KLF17: variants seen among roughly 807,000 people sequenced by gnomAD.
KLF17 encodes the protein Krueppel-like factor 17.
In KLF17, 31 loss-of-function variants were observed where a neutral mutation model predicts 34.2. The observed-to-expected ratio is 0.91, with a 90% confidence interval of 0.68 to 1.22. The LOEUF is 1.22. Among genes scored for constraint, KLF17 ranks in the 50% most tolerant of loss-of-function variants. KLF17 has a pLI of 0.00. For synonymous variants in KLF17, 179 were observed against 186.7 expected (o/e 0.96, Z 0.34); for missense variants, 478 against 505.2 (o/e 0.95, Z 0.52).
rs759117084 is a variant in KLF17 at position 44,129,690 on chromosome 1, T to C, written c.419T>C (p.Ile140Thr). The change falls in exon 2 of 4, where the codon ATT becomes ACT. Residue 140 changes from isoleucine (I) to threonine (T), a missense_variant. Physicochemically the swap from Ile to Thr is moderately conservative, Grantham distance 89. Coordinates refer to ENST00000372299, the MANE Select transcript of KLF17 (RefSeq NM_173484.4). ...CTAATGCCCGTAGGAGAGCCCAATATTCCAAGGGTAGCCAGGCCCTTCGGT... is the reference window on the plus strand; with the variant it reads ...CTAATGCCCGTAGGAGAGCCCAATACTCCAAGGGTAGCCAGGCCCTTCGGT... ...PQLMPVGEPNIPRVARPFGGN... is the reference protein window; with the variant it reads ...PQLMPVGEPNTPRVARPFGGN... The C allele has an allele frequency of 1.9e-5, 30 of 1,614,072 alleles. No homozygotes were observed. Among genetic ancestry groups the C allele is most frequent in the Admixed American group, 3.3e-5 (2 of 59,988 alleles).
At chr1:44,098,325 A>G in the KLF17 span, among the ~76,000 whole-genome samples, 1 of 151,590 alleles carries the variant, frequency 6.6e-6, no homozygotes, top group African/African-American at 2.4e-5. Flanking sequence ...TTCATCTCTG[A>G]TTTTATTTAT....
At chr1:44,132,965 C>A (rs146369338) in intron 3 of KLF17, among the ~76,000 whole-genome samples, 1 of 152,296 alleles carries the variant, frequency 6.6e-6, no homozygotes, top group African/African-American at 2.4e-5. Context: ...CTGTCTGCCC[C>A]AGAGGTGGTC....
the KLF17 span, among the ~76,000 whole-genome samples, chr1:44,096,037 G>A: frequency 1.3e-5 from 2 of 151,940 alleles, no homozygotes; most frequent in African/African-American, 4.8e-5. Flanking sequence ...TGCCCCCCAG[G>A]TTCCAGTGAT....
chr1:44,076,661 T>C, the KLF17 span: 1 of 152,230 alleles, frequency 6.6e-6, no homozygotes, highest in Non-Finnish European at 1.5e-5. Flanking sequence ...GTTTATTGGA[T>C]TTCTTCATTT....
chr1:44,118,139 T>G (rs192222734), upstream of KLF17, among the ~76,000 whole-genome samples: 1 of 152,272 alleles, frequency 6.6e-6, no homozygotes, highest in East Asian at 1.9e-4. Flanking sequence ...ACATTTCTGT[T>G]TTGGTTTTCC....
chr1:44,090,636 C>T, the KLF17 span, among the ~76,000 whole-genome samples: 3 of 152,016 alleles, frequency 2.0e-5, no homozygotes, highest in Non-Finnish European at 4.4e-5. Flanking sequence ...AACACGAAAA[C>T]GAATCCTGTA....
intron 3 of KLF17, 97 bp from the exon 4 acceptor site, chr1:44,133,141 T>G (rs2088131774): frequency 6.6e-6 from 1 of 152,204 alleles, no homozygotes. Context: ...GAGCCCCTAA[T>G]GGAAGGGTCA....
chr1:44,128,622 C>T (rs962416238), intron 1 of KLF17, among the ~76,000 whole-genome samples: 16 of 152,164 alleles, frequency 1.1e-4, no homozygotes, highest in South Asian at 4.1e-4. Context: ...TTGCCAAAGC[C>T]GAGACCCATC....
Position 44,130,581 on chromosome 1 carries a change from G to A in KLF17, c.995G>A (p.Arg332Gln), listed in dbSNP as rs763841467. 8.1e-6 allele frequency: 13 copies of A among 1,613,922 alleles called. No homozygotes were observed. In the Admixed American group the frequency reaches 1.2e-4, roughly 14 times the overall value. The change falls in exon 3 of 4, where the codon CGA becomes CAA. Residue 332 changes from arginine (R) to glutamine (Q), a missense_variant. Arg to Gln is a conservative substitution (Grantham distance 43). Coordinates refer to ENST00000372299, the MANE Select transcript of KLF17 (RefSeq NM_173484.4). The part of the protein sequence containing the change: ...WSFFRSDELR[R>Q]HMRVHTRYRP... ...TTCTTCCGTTCTGATGAGCTTAGAC[G>A]ACATATGCGGGTACACACCAGATAT...
At chr1:44,053,924 G>A in the KLF17 span, among the ~76,000 whole-genome samples, 1 of 152,176 alleles carries the variant, frequency 6.6e-6, no homozygotes, top group East Asian at 1.9e-4. Context: ...CGTGTGGGAG[G>A]AGATGCAATT....
chr1:44,075,003 T>C, the KLF17 span: 1 of 152,092 alleles, frequency 6.6e-6, no homozygotes. Context: ...TCAAGAGGAA[T>C]TATCAAGGTG....
At chr1:44,128,841 C>T (rs1334061319) in intron 1 of KLF17, among the ~76,000 whole-genome samples, 3 of 152,022 alleles carry the variant, frequency 2.0e-5, no homozygotes, top group Admixed American at 6.6e-5. Context: ...GGAGAAACCC[C>T]GTCTCTACTA....
chr1:44,057,789 C>T, the KLF17 span, among the ~76,000 whole-genome samples: 2 of 152,094 alleles, frequency 1.3e-5, no homozygotes, highest in Non-Finnish European at 1.5e-5. Flanking sequence ...GAAATTATTC[C>T]AGACTGTAAA....
At chr1:44,112,548 G>GCA in the KLF17 span, among the ~76,000 whole-genome samples, 1 of 152,240 alleles carries the variant, frequency 6.6e-6, no homozygotes, top group South Asian at 2.1e-4. Flanking sequence ...AGGACTACAG[G>GCA]CACTTGCCAC....
the KLF17 span, among the ~76,000 whole-genome samples, chr1:44,100,317 G>A: frequency 1.3e-5 from 2 of 152,010 alleles, no homozygotes; most frequent in Middle Eastern, 6.8e-3. Flanking sequence ...ATACTGGGTC[G>A]GATGGGGTAG....
At chr1:44,095,592 C>T in the KLF17 span, among the ~76,000 whole-genome samples, 34 of 152,110 alleles carry the variant, frequency 2.2e-4, no homozygotes, top group Middle Eastern at 3.4e-3. Flanking sequence ...GCATTTAATC[C>T]GTAGATTTTT....
At chr1:44,127,590 G>C (rs1169915785) in intron 1 of KLF17, among the ~76,000 whole-genome samples, 1 of 148,398 alleles carries the variant, frequency 6.7e-6, no homozygotes, top group Non-Finnish European at 1.5e-5. Flanking sequence ...ACCCGCCTCG[G>C]TGGATCTTTC....
At chr1:44,093,458 G>A in the KLF17 span, among the ~76,000 whole-genome samples, 2 of 152,232 alleles carry the variant, frequency 1.3e-5, no homozygotes, top group African/African-American at 2.4e-5. Context: ...GCAGTGGTGC[G>A]ATCTCTGCCC....
At chr1:44,053,777 G>A in the KLF17 span, among the ~76,000 whole-genome samples, 20 of 152,278 alleles carry the variant, frequency 1.3e-4, no homozygotes, top group Non-Finnish European at 2.1e-4. Flanking sequence ...TAAGTTGAGC[G>A]TATTCTTTGA....
Sources: allele counts gnomAD v4.1 joint callset (sites outside exome capture counted in the v4.1 genomes callset), GRCh38; gene constraint gnomAD v4.1.1; transcripts MANE v1.5; gene names NCBI Gene and HGNC (gene_info 2026-07-23, HGNC 2026-07-21).